The following NLGN1 variants were observed in gnomAD, a reference collection of about 807,000 sequenced individuals.
NLGN1 encodes the protein neuroligin-1.
Under a neutral mutation model 65.5 loss-of-function variants are expected in NLGN1, and 12 were observed. The observed-to-expected ratio is 0.18, with a 90% confidence interval of 0.12 to 0.30. The LOEUF (loss-of-function observed/expected upper bound fraction) is 0.30, where lower values mean the gene tolerates loss of function less well. Ranked by LOEUF, NLGN1 falls within the 10% of genes least tolerant of loss-of-function variation. The pLI is 1.00. For missense variants in NLGN1, 750 were observed against 1,007.1 expected, an observed-to-expected ratio of 0.74 and a Z score of 3.46; for synonymous variants, 350 against 359.5, an observed-to-expected ratio of 0.97 and a Z score of 0.30.
At chr3:173,586,696 G>A (rs1052192252) in intron 2 of NLGN1, among the ~76,000 whole-genome samples, 2 of 152,056 alleles carry the variant, frequency 1.3e-5, no homozygotes, top group African/African-American at 4.8e-5. Flanking sequence ...GTTTTAAGGC[G>A]ATATCTGAGA....
chr3:174,060,810 A>G (rs965681485), intron 4 of NLGN1, among the ~76,000 whole-genome samples: 1 of 152,086 alleles, frequency 6.6e-6, no homozygotes, highest in Non-Finnish European at 1.5e-5. Context: ...TGAGTTATAT[A>G]ATGAAACCTG....
intron 2 of NLGN1, among the ~76,000 whole-genome samples, chr3:173,596,524 T>C (rs1749516489): frequency 6.6e-6 from 1 of 152,258 alleles, no homozygotes; most frequent in South Asian, 2.1e-4. Context: ...TACAAGAAGA[T>C]GATAATGATC....
At chr3:173,642,592 T>C (rs1159596457) in intron 3 of NLGN1, among the ~76,000 whole-genome samples, 4 of 152,196 alleles carry the variant, frequency 2.6e-5, no homozygotes, top group African/African-American at 9.6e-5. Flanking sequence ...CATGGGGTAG[T>C]GTACTCAGGA....
At chr3:173,519,431 T>G (rs931009247) in intron 2 of NLGN1, among the ~76,000 whole-genome samples, 3 of 152,208 alleles carry the variant, frequency 2.0e-5, no homozygotes, top group African/African-American at 7.2e-5. Flanking sequence ...CCCTGAACAC[T>G]AGCCCTTGAG....
chr3:173,512,730 C>T (rs994095776), intron 2 of NLGN1, among the ~76,000 whole-genome samples: 3 of 152,144 alleles, frequency 2.0e-5, no homozygotes, highest in Admixed American at 2.0e-4. Flanking sequence ...TTGCCAGGGA[C>T]CAACCCCTGT....
At chr3:174,140,100 T>C (rs1295012505) in intron 4 of NLGN1, among the ~76,000 whole-genome samples, 1 of 152,156 alleles carries the variant, frequency 6.6e-6, no homozygotes, top group Non-Finnish European at 1.5e-5. Flanking sequence ...AGCTGTACTT[T>C]TAGGGGGATT....
intron 2 of NLGN1, among the ~76,000 whole-genome samples, chr3:173,583,397 A>G (rs1351032315): frequency 6.6e-6 from 1 of 152,256 alleles, no homozygotes; most frequent in Non-Finnish European, 1.5e-5. Context: ...TAGATAAATT[A>G]GCCGTGGGCC....
At chr3:173,569,780 CTG>C in intron 2 of NLGN1, among the ~76,000 whole-genome samples, 1 of 152,094 alleles carries the variant, frequency 6.6e-6, no homozygotes, top group Non-Finnish European at 1.5e-5. Context: ...GGGTCCATGA[CTG>C]TCATTTTCTG....
At chr3:174,048,753 ATCAAAGATAATAC>A (rs1734175648) in intron 4 of NLGN1, among the ~76,000 whole-genome samples, 1 of 152,104 alleles carries the variant, frequency 6.6e-6, no homozygotes, top group African/African-American at 2.4e-5. Flanking sequence ...ATGAATTATC[ATCAAAGATAATAC>A]TTGAAGATAA....
At chr3:174,004,504 TGGTCAAACCCAA>T (rs1323766153) in intron 4 of NLGN1, among the ~76,000 whole-genome samples, 3 of 152,156 alleles carry the variant, frequency 2.0e-5, no homozygotes, top group Non-Finnish European at 4.4e-5. Context: ...CTGACCCAAA[TGGTCAAACCCAA>T]GGTTGTGCTC....
At chr3:173,764,702 G>A (rs2096354516) in intron 3 of NLGN1, among the ~76,000 whole-genome samples, 1 of 152,060 alleles carries the variant, frequency 6.6e-6, no homozygotes, top group Non-Finnish European at 1.5e-5. Context: ...CATTAAATGG[G>A]TAGTAGAATG....
chr3:173,401,347 T>C (rs1415482254), intron 1 of NLGN1, among the ~76,000 whole-genome samples: 3 of 152,040 alleles, frequency 2.0e-5, no homozygotes, highest in African/African-American at 7.2e-5. Context: ...AATTCTCTGT[T>C]TCCTACTCTT....
At chr3:173,465,291 C>A (rs145632236) in intron 2 of NLGN1, among the ~76,000 whole-genome samples, 17 of 152,246 alleles carry the variant, frequency 1.1e-4, no homozygotes, top group African/African-American at 4.1e-4. Context: ...CCCAAATGAG[C>A]AATCCACTTT....
chr3:173,992,540 A>G (rs1183832055), intron 4 of NLGN1, among the ~76,000 whole-genome samples: 1 of 152,232 alleles, frequency 6.6e-6, no homozygotes, highest in African/African-American at 2.4e-5. Flanking sequence ...AACTGCCTTA[A>G]AAATCAAACA....
intron 1 of NLGN1, among the ~76,000 whole-genome samples, chr3:173,418,734 A>C (rs1413975290): frequency 6.6e-6 from 1 of 152,174 alleles, no homozygotes; most frequent in African/African-American, 2.4e-5. Context: ...CTTTAACATC[A>C]AGCTTAGATT....
chr3:174,015,633 C>T (rs1726402779), intron 4 of NLGN1, among the ~76,000 whole-genome samples: 1 of 152,114 alleles, frequency 6.6e-6, no homozygotes, highest in Non-Finnish European at 1.5e-5. Context: ...ATCATAGACT[C>T]AGCATACTAT....
intron 2 of NLGN1, among the ~76,000 whole-genome samples, chr3:173,549,450 A>G (rs1207368008): frequency 2.0e-5 from 3 of 152,036 alleles, no homozygotes; most frequent in Non-Finnish European, 1.5e-5. Context: ...TTGATTAAAC[A>G]AAGTGATTAG....
At chr3:174,041,771 G>A (rs978904262) in intron 4 of NLGN1, among the ~76,000 whole-genome samples, 2 of 152,122 alleles carry the variant, frequency 1.3e-5, no homozygotes, top group Non-Finnish European at 2.9e-5. Context: ...TTTGCGAAAG[G>A]TTTGTTCAAA....
rs530760228 is a variant in NLGN1 at position 173,401,373 on chromosome 3, T to G, written c.-390+2886T>G. On this transcript the variant is annotated intron_variant, in intron 1 of 6. Coordinates refer to ENST00000457714, the Ensembl canonical transcript of NLGN1. ...TCCTACTCTTCCCTACCCCTGTTTT[T>G]TTTTGTTTTGTTTTGTTTTTTGTTT... Among the ~76,000 whole-genome samples, 11 of 152,086 alleles carry G rather than the reference T, an allele frequency of 7.2e-5. No homozygotes were observed. In the South Asian group the frequency reaches 8.3e-4, roughly 11 times the overall value.
Sources: allele counts gnomAD v4.1 joint callset (sites outside exome capture counted in the v4.1 genomes callset), GRCh38; gene constraint gnomAD v4.1.1; transcripts MANE v1.5; gene names NCBI Gene and HGNC (gene_info 2026-07-23, HGNC 2026-07-21).